The following NGEF variants were observed in gnomAD, a reference collection of about 807,000 sequenced individuals.
The protein encoded by NGEF is ephexin-1.
A neutral mutation model predicts 80.9 loss-of-function variants in NGEF; 31 were observed. The observed-to-expected ratio is 0.38, with a 90% CI of 0.29 to 0.52. The LOEUF is 0.52. Ranked by LOEUF, NGEF falls within the 20% of genes least tolerant of loss-of-function variation. The probability of loss-of-function intolerance (pLI) is 0.84; values close to 1 mark genes in which losing one functional copy is unlikely to be tolerated. For missense variants in NGEF, 709 were observed against 926.2 expected (o/e 0.77, Z 3.04); for synonymous variants, 371 against 370.2 (o/e 1.00, Z -0.03).
intron 1 of NGEF, among the ~76,000 whole-genome samples, chr2:232,976,633 C>T (rs1368041853): frequency 6.6e-6 from 1 of 152,236 alleles, no homozygotes; most frequent in Non-Finnish European, 1.5e-5. Context: ...ATGGCACCTC[C>T]TTCCCACCTG....
chr2:232,907,728 G>A (rs1239712170), intron 5 of NGEF, among the ~76,000 whole-genome samples: 15 of 152,110 alleles, frequency 9.9e-5, no homozygotes, highest in African/African-American at 3.6e-4. Flanking sequence ...TCTCAGTATA[G>A]ATGAAATGTT....
intron 3 of NGEF, among the ~76,000 whole-genome samples, chr2:232,947,923 G>A (rs1162095806): frequency 6.6e-6 from 1 of 152,092 alleles, no homozygotes; most frequent in Non-Finnish European, 1.5e-5. Flanking sequence ...ATTGAAACTC[G>A]ACTAGATCTT....
In NGEF at chr2:232,879,379, G is replaced by A; in HGVS notation, c.*110C>T. ...GATGAGGGCCGGGCACCCCAAGCCAGATCCTGCCACCTGGGGAGGTGCTGG... is the reference window on the plus strand; with the variant it reads ...GATGAGGGCCGGGCACCCCAAGCCAAATCCTGCCACCTGGGGAGGTGCTGG... On this transcript the variant is annotated 3_prime_UTR_variant, in exon 15 of 15. Transcript: ENST00000264051. 1 of 1,168,714 alleles carries A rather than the reference G, an allele frequency of 8.6e-7. No homozygotes were observed. Among genetic ancestry groups the A allele is most frequent in the Non-Finnish European group, 1.2e-6 (1 of 825,924 alleles). 72.4% of individuals were successfully genotyped at this position (1,168,714 alleles called of 1,614,324 possible).
At chr2:232,975,073 C>T (rs968188913) in intron 1 of NGEF, 109 bp from the exon 2 acceptor site, 1 of 610,396 alleles carries the variant, frequency 1.6e-6, no homozygotes, top group South Asian at 2.2e-5. Context: ...GGATAATCTG[C>T]ACATCCTGGT....
At chr2:232,915,017 CAAA>C (rs11374459) in intron 5 of NGEF, among the ~76,000 whole-genome samples, 4 of 97,154 alleles carry the variant, frequency 4.1e-5, no homozygotes, top group Non-Finnish European at 2.2e-5. Flanking sequence ...ACTCCATCTC[CAAA>C]AAAAAAAAAA....
intron 1 of NGEF, among the ~76,000 whole-genome samples, chr2:232,989,531 A>G (rs6745724): frequency 0.64 from 97,098 of 152,064 alleles, 31,819 homozygotes; most frequent in East Asian, 0.93. Flanking sequence ...AGAAAAAATG[A>G]CTAGCACAGA....
intron 1 of NGEF, among the ~76,000 whole-genome samples, chr2:232,981,972 A>T (rs1227819687): frequency 6.6e-6 from 1 of 152,100 alleles, no homozygotes; most frequent in Non-Finnish European, 1.5e-5. Flanking sequence ...CACCAGAGGG[A>T]AAAAAGGACT....
At position 232,892,862 on chromosome 2, in the gene NGEF, C is replaced by T. The variant is rs774040900; in HGVS notation, c.1142+36G>A. On this transcript the variant is annotated intron_variant, in intron 7 of 14. Transcript: ENST00000264051. The surrounding 1 kb of genome is among the most constrained non-coding windows in gnomAD (Gnocchi z 4.0). ...ACTGGTATGGCTGCCCCGGGCACCT[C>T]CCCCTGCCCCTGAGCCCCTTGCCGG... 6 of 1,602,788 alleles carry T rather than the reference C, an allele frequency of 3.7e-6. No homozygotes were observed. The South Asian group carries it at 6.6e-5, about 18-fold the overall frequency.
chr2:233,004,463 G>T (rs187796836), intron 1 of NGEF, among the ~76,000 whole-genome samples: 9 of 152,322 alleles, frequency 5.9e-5, no homozygotes, highest in Admixed American at 5.2e-4. Context: ...GCTAGGAGCT[G>T]CCCTTCAGCC....
Position 232,888,110 on chromosome 2 carries a change from A to G in NGEF, c.1273-3T>C, listed in dbSNP as rs2106222289. 2 of 1,583,090 alleles carry G rather than the reference A, an allele frequency of 1.3e-6. No individual in the cohort carries two copies. Among genetic ancestry groups the G allele is most frequent in the South Asian group, 2.3e-5 (2 of 85,704 alleles). ...TCTTCTACCCTCTTCAGGATGTTCT[A>G]TGCACAGAGAAAGGCTGCGTTAACT... On this transcript the variant is annotated splice_region_variant and splice_polypyrimidine_tract_variant and intron_variant, in intron 8 of 14. Coordinates refer to ENST00000264051, the MANE Select transcript of NGEF (RefSeq NM_019850.3).
chr2:232,908,570 CATTT>C (rs1444144082), intron 5 of NGEF, among the ~76,000 whole-genome samples: 2 of 150,942 alleles, frequency 1.3e-5, no homozygotes, highest in African/African-American at 2.4e-5. Context: ...AAATTTTATT[CATTT>C]ATTTATTTTT....
chr2:232,933,111 A>AAAATAAATAAATAAAT (rs60621174), intron 3 of NGEF, among the ~76,000 whole-genome samples: 5 of 140,078 alleles, frequency 3.6e-5, no homozygotes, highest in African/African-American at 8.0e-5. Flanking sequence ...CTCCATCTCA[A>AAAATAAATAAATAAAT]AAATAAATAA....
chr2:232,934,629 C>G (rs1330605688), intron 3 of NGEF, among the ~76,000 whole-genome samples: 1 of 152,122 alleles, frequency 6.6e-6, no homozygotes, highest in African/African-American at 2.4e-5. Flanking sequence ...ACATTTTGTT[C>G]TGAATCATTC....
chr2:232,899,023 TGA>T (rs1397430427), intron 5 of NGEF, among the ~76,000 whole-genome samples: 2 of 151,756 alleles, frequency 1.3e-5, no homozygotes, highest in Admixed American at 1.3e-4. Flanking sequence ...TTAACATGTG[TGA>T]GTGAATATGA....
At chr2:232,885,610 A>G (rs1691652362) in intron 9 of NGEF, 1 of 533,606 alleles carries the variant, frequency 1.9e-6, no homozygotes, top group Non-Finnish European at 3.4e-6. Context: ...TGCCCTTGCT[A>G]GGAAGCAAAC....
chr2:232,970,182 A>C (rs762255871), intron 3 of NGEF, 32 bp downstream of exon 3: 2 of 1,324,970 alleles, frequency 1.5e-6, no homozygotes, highest in Non-Finnish European at 2.1e-6. Flanking sequence ...TCTTTCCCAG[A>C]CCAGCATTCC....
intron 3 of NGEF, among the ~76,000 whole-genome samples, chr2:232,937,721 GTCTT>G (rs1454892525): frequency 2.0e-5 from 3 of 152,206 alleles, no homozygotes. Context: ...CTTGGTGTGA[GTCTT>G]TCTTCTCCTG....
chr2:232,978,049 A>C (rs907997143), intron 1 of NGEF, among the ~76,000 whole-genome samples: 1 of 151,978 alleles, frequency 6.6e-6, no homozygotes, highest in African/African-American at 2.4e-5. Context: ...CCAGGAGAAA[A>C]GTTTGTGGAC....
chr2:232,974,090 A>G (rs1694244812), intron 2 of NGEF, among the ~76,000 whole-genome samples: 1 of 152,204 alleles, frequency 6.6e-6, no homozygotes, highest in African/African-American at 2.4e-5. Context: ...AAGTTTTCTG[A>G]ACTTTATTCT....
Sources: allele counts gnomAD v4.1 joint callset (sites outside exome capture counted in the v4.1 genomes callset), GRCh38; gene constraint gnomAD v4.1.1; non-coding constraint Gnocchi (gnomAD v3.1); transcripts MANE v1.5; gene names NCBI Gene and HGNC (gene_info 2026-07-23, HGNC 2026-07-21).